Variants in ZNF354A observed in about 807,000 individuals in gnomAD.
ZNF354A encodes epididymis luminal protein 104.
ZNF354A carries 25 observed loss-of-function variants against 53.3 expected under a neutral mutation model. That is an observed-to-expected ratio of 0.47 (90% confidence interval 0.34 to 0.66). ZNF354A has a LOEUF of 0.66. Ranked by LOEUF, ZNF354A falls within the 30% of genes least tolerant of loss-of-function variation. The probability of loss-of-function intolerance (pLI) is 0.01; values close to 1 mark genes in which losing one functional copy is unlikely to be tolerated. For missense variants in ZNF354A, 586 were observed against 716.8 expected, an observed-to-expected ratio of 0.82 and a Z score of 2.08; for synonymous variants, 228 against 249.0, an observed-to-expected ratio of 0.92 and a Z score of 0.79.
At chr5:178,723,261 G>C (rs940713790) in intron 4 of ZNF354A, among the ~76,000 whole-genome samples, 6 of 152,206 alleles carry the variant, frequency 3.9e-5, no homozygotes, top group Non-Finnish European at 7.4e-5. Context: ...TCCTTGCTGG[G>C]CCCATGGCAT....
Position 178,713,469 on chromosome 5 carries a change from C to G in ZNF354A, c.409G>C (p.Asp137His), listed in dbSNP as rs761062256. The stretch of plus-strand genomic sequence containing the variant: ...ACTATCTGAAAACTTCCCTTTTTAT[C>G]CTGCTTTTTCTCTAATCTGCCTTCA... ...IYEGRLEKKQ[D>H]KKGSFQIVSA... Residue 137 changes from aspartate to histidine, a missense_variant, in exon 5 of 5, where the codon GAT (aspartate) becomes CAT (histidine). Asp to His is a moderately conservative substitution (Grantham distance 81, BLOSUM62 -1). Transcript: ENST00000335815. 1.9e-6 allele frequency: 3 copies of G among 1,613,672 alleles called. No individual in the cohort carries two copies. In the South Asian group the frequency reaches 3.3e-5, roughly 18 times the overall value.
At chr5:178,724,161 C>G (rs1450848742) in intron 4 of ZNF354A, among the ~76,000 whole-genome samples, 1 of 151,996 alleles carries the variant, frequency 6.6e-6, no homozygotes, top group African/African-American at 2.4e-5. Context: ...CGGCAAGTGC[C>G]TTCATCCAGG....
At chr5:178,718,806 C>T (rs1765759679) in intron 4 of ZNF354A, among the ~76,000 whole-genome samples, 2 of 152,068 alleles carry the variant, frequency 1.3e-5, no homozygotes, top group African/African-American at 4.8e-5. Context: ...CATCATAGCT[C>T]ACTGCAGCCT....
intron 2 of ZNF354A, 22 bp from the exon 3 acceptor site, chr5:178,727,147 G>T: frequency 6.2e-7 from 1 of 1,605,722 alleles, no homozygotes; most frequent in Non-Finnish European, 8.5e-7. Context: ...AGTCGTTCCA[G>T]CTCACCCAGG....
chr5:178,712,881 T>TCCTACC lies in ZNF354A; in HGVS notation c.991_996dup (p.Gly331_Arg332dup), dbSNP rs775206185. ...AGGGATGTGCTGCAACTAGATGCCT[T>TCCTACC]CCTACCCGGATTATACTTACAAGGG... On this transcript the variant is annotated inframe_insertion, in exon 5 of 5. Transcript: ENST00000335815. The TCCTACC allele has an allele frequency of 6.2e-7, 1 of 1,614,166 alleles. No individual in the cohort carries two copies. The highest frequency in any genetic ancestry group is 8.5e-7 in the Non-Finnish European group (1 of 1,180,024).
At chr5:178,727,702 T>A (rs954517792) in intron 2 of ZNF354A, among the ~76,000 whole-genome samples, 14 of 152,240 alleles carry the variant, frequency 9.2e-5, no homozygotes, top group Admixed American at 9.2e-4. Flanking sequence ...TTGCAGTGTA[T>A]AATCTTTATT....
At chr5:178,730,294 G>C (rs910274842) in intron 1 of ZNF354A, among the ~76,000 whole-genome samples, 1 of 152,084 alleles carries the variant, frequency 6.6e-6, no homozygotes, top group African/African-American at 2.4e-5. Context: ...CCCCGAGTCC[G>C]CGAGGCCCAC....
At position 178,715,523 on chromosome 5, in the gene ZNF354A, G is replaced by A. The variant is rs376493705; in HGVS notation, c.257-1902C>T. 1.1e-4 allele frequency among the ~76,000 whole-genome samples: 17 copies of A among 152,082 alleles called. 1 individual carries two copies. The South Asian group carries it at 2.5e-3, about 22-fold the overall frequency. On this transcript the variant is annotated intron_variant, in intron 4 of 4. Transcript: ENST00000335815. ...TTAACACCTTCCTAGTTCCTTCTCC[G>A]TTTCAGTCTTGCTAAATTAAGTGAT...
intron 4 of ZNF354A, among the ~76,000 whole-genome samples, chr5:178,718,338 A>G (rs1273226400): frequency 6.6e-6 from 1 of 152,206 alleles, no homozygotes; most frequent in Non-Finnish European, 1.5e-5. Context: ...CTAGGTCAGA[A>G]GTTGAGAAGC....
rs1163756033 is a variant in ZNF354A at position 178,711,930 on chromosome 5, G to A, written c.*130C>T. The A allele has an allele frequency of 1.1e-5, 12 of 1,141,698 alleles. No individual in the cohort carries two copies. The highest frequency in any genetic ancestry group is 8.7e-5 in the Admixed American group (3 of 34,464). The allele number at this position is 1,141,698 out of a possible 1,614,324, so 70.7% of individuals were successfully genotyped here. On this transcript the variant is annotated 3_prime_UTR_variant, in exon 5 of 5. Transcript: ENST00000335815. Reference sequence around the variant, plus strand: ...ATTATATAGCTGAGGTTTATCCATGGAATTAAATACCTAATGAGGGCTAAA... The same window carrying A: ...ATTATATAGCTGAGGTTTATCCATGAAATTAAATACCTAATGAGGGCTAAA...
intron 4 of ZNF354A, among the ~76,000 whole-genome samples, chr5:178,715,968 C>T (rs924864033): frequency 7.3e-5 from 11 of 151,464 alleles, no homozygotes; most frequent in African/African-American, 2.7e-4. Context: ...GCGACCTCGG[C>T]TCACTGCAAC....
intron 4 of ZNF354A, among the ~76,000 whole-genome samples, chr5:178,722,539 C>G (rs528200955): frequency 1.3e-5 from 2 of 152,298 alleles, no homozygotes; most frequent in South Asian, 4.1e-4. Flanking sequence ...TTTGTTACCC[C>G]ATCTCCTCTA....
chr5:178,722,189 C>T (rs939964729), intron 4 of ZNF354A, among the ~76,000 whole-genome samples: 1 of 152,152 alleles, frequency 6.6e-6, no homozygotes, highest in Non-Finnish European at 1.5e-5. Context: ...CTTTCTTACT[C>T]TTACTGTAAT....
intron 4 of ZNF354A, among the ~76,000 whole-genome samples, chr5:178,716,510 A>T (rs988123495): frequency 6.6e-6 from 1 of 152,202 alleles, no homozygotes; most frequent in Non-Finnish European, 1.5e-5. Flanking sequence ...TGGGCCAGGT[A>T]ATGTTCTGGG....
At chr5:178,717,551 G>A (rs1765738372) in intron 4 of ZNF354A, among the ~76,000 whole-genome samples, 1 of 152,032 alleles carries the variant, frequency 6.6e-6, no homozygotes, top group Admixed American at 6.6e-5. Flanking sequence ...GCAAGGCTGA[G>A]GGGGCATTCT....
Position 178,712,747 on chromosome 5 carries a change from A to G in ZNF354A, c.1131T>C (p.Thr377=), listed in dbSNP as rs761025196. 6.8e-6 allele frequency: 11 copies of G among 1,613,940 alleles called. No homozygotes were observed. Among genetic ancestry groups the G allele is most frequent in the Non-Finnish European group, 9.3e-6 (11 of 1,179,948 alleles). Residue 377 remains threonine, a synonymous_variant, in exon 5 of 5, where the codon ACT becomes ACC. Transcript: ENST00000335815. The stretch of plus-strand genomic sequence containing the variant: ...CACTACATTTAAAAGGCTTCTCTCC[A>G]GTGTGAATTCTCTGATGATAACGAA... The part of the protein sequence containing the change: ...SSLRYHQRIH[T]GEKPFKCSEC...
At chr5:178,721,866 T>C (rs1379975680) in intron 4 of ZNF354A, among the ~76,000 whole-genome samples, 9 of 152,170 alleles carry the variant, frequency 5.9e-5, no homozygotes, top group Admixed American at 5.9e-4. Context: ...TCCGACCTGG[T>C]CAACCCCTTG....
rs561990683 is a variant in ZNF354A, at chr5:178,720,752, A to G, written c.256+4624T>C. ...TTCATCTCGTCCACTAGGTTATGCT[A>G]GAGCACATCCCAGACAGCAAAATCA... On this transcript the variant is annotated intron_variant, in intron 4 of 4. Coordinates refer to ENST00000335815, the MANE Select transcript of ZNF354A (RefSeq NM_005649.3). Among the ~76,000 whole-genome samples the G allele has an allele frequency of 3.3e-5, 5 of 152,362 alleles. No homozygotes were observed. The East Asian group carries it at 9.6e-4, about 29-fold the overall frequency.
chr5:178,726,372 G>A (rs1003385508), intron 3 of ZNF354A: 41 of 348,854 alleles, frequency 1.2e-4, no homozygotes, highest in Non-Finnish European at 1.8e-4. Context: ...GTGCAGTGGC[G>A]GGAACTTGGC....
Sources: gnomAD v4.1 joint callset for allele counts (sites outside exome capture counted in the v4.1 genomes callset) on GRCh38, gnomAD v4.1.1 for gene constraint, MANE v1.5 for transcripts, NCBI Gene and HGNC (gene_info 2026-07-23, HGNC 2026-07-21) for gene names.